Variants in TLK2 observed in about 807,000 individuals in gnomAD.
TLK2 encodes the protein tousled like kinase 2, also known as serine/threonine-protein kinase tousled-like 2.
A neutral mutation model predicts 117.3 loss-of-function variants in TLK2; 6 were observed. That is an observed-to-expected ratio of 0.05 (90% CI 0.03 to 0.10). The LOEUF is 0.10. Among genes scored for constraint, TLK2 ranks in the 10% least tolerant of loss-of-function variants. The probability of loss-of-function intolerance (pLI) is 1.00; values close to 1 mark genes in which losing one functional copy is unlikely to be tolerated. For missense variants in TLK2, 299 were observed against 901.2 expected (o/e 0.33, Z 8.56); for synonymous variants, 257 against 316.7 (o/e 0.81, Z 2.00).
At chr17:62,555,483 A>ATT (rs35222378) in intron 9 of TLK2, among the ~76,000 whole-genome samples, 6 of 140,610 alleles carry the variant, frequency 4.3e-5, no homozygotes, top group Non-Finnish European at 4.7e-5. Flanking sequence ...ATTATTATTA[A>ATT]TTTTTTTTTT....
intron 21 of TLK2, among the ~76,000 whole-genome samples, chr17:62,608,705 A>T (rs4968659): frequency 1 from 152,286 of 152,304 alleles, 76,134 homozygotes; most frequent in Middle Eastern, 1. Flanking sequence ...TCCCACCAGG[A>T]CCCTACCATG....
chr17:62,500,864 A>G (rs979774337), intron 2 of TLK2, among the ~76,000 whole-genome samples: 3 of 152,374 alleles, frequency 2.0e-5, no homozygotes, highest in Admixed American at 6.5e-5. Context: ...TTTAGGTCAA[A>G]GAATTCACAA....
At chr17:62,589,683 T>C (rs1005645874) in intron 16 of TLK2, among the ~76,000 whole-genome samples, 2 of 152,226 alleles carry the variant, frequency 1.3e-5, no homozygotes, top group African/African-American at 2.4e-5. Context: ...TGGTTTCTGC[T>C]GTAAAATGCA....
At chr17:62,587,689 G>C (rs1237432074) in intron 16 of TLK2, among the ~76,000 whole-genome samples, 1 of 152,154 alleles carries the variant, frequency 6.6e-6, no homozygotes, top group Non-Finnish European at 1.5e-5. Context: ...TGTTTCTTAG[G>C]TGACAGGCAG....
At chr17:62,498,286 A>C (rs535365242) in intron 2 of TLK2, among the ~76,000 whole-genome samples, 1 of 152,308 alleles carries the variant, frequency 6.6e-6, no homozygotes, top group Non-Finnish European at 1.5e-5. Context: ...TATAATTCCT[A>C]GTTTTTAGGT....
At chr17:62,546,460 G>A (rs1301809652) in intron 7 of TLK2, among the ~76,000 whole-genome samples, 1 of 144,910 alleles carries the variant, frequency 6.9e-6, no homozygotes, top group African/African-American at 2.5e-5. Flanking sequence ...CCATTAGATA[G>A]TTTCAGGGTC....
In TLK2 at chr17:62,524,294, G is replaced by A. The variant is rs1555617262; in HGVS notation, c.326G>A (p.Arg109Gln). 2 of 1,613,706 alleles carry A rather than the reference G, an allele frequency of 1.2e-6. No individual in the cohort carries two copies. Among genetic ancestry groups the A allele is most frequent in the Non-Finnish European group, 1.7e-6 (2 of 1,179,806 alleles). The change falls in exon 6 of 22, where the codon CGA becomes CAA. Residue 109 changes from arginine to glutamine, a missense_variant. Physicochemically the swap from Arg to Gln is conservative, Grantham distance 43. This residue lies in a region of TLK2 where 105 missense variants were observed against 218.4 expected (regional missense o/e 0.48). Coordinates refer to ENST00000346027, the MANE Select transcript of TLK2 (RefSeq NM_006852.6). ...SPGRSVPPVA[R>Q]SSPQHSLSNP... is the part of the protein sequence containing the mutation. ...GGCAGAAGTGTTCCACCAGTTGCACGATCCTCACCGCAACATTCCTTATCC... is the reference window on the plus strand; with the variant it reads ...GGCAGAAGTGTTCCACCAGTTGCACAATCCTCACCGCAACATTCCTTATCC...
chr17:62,573,083 CA>C (rs2080441944), intron 11 of TLK2, 131 bp from the exon 12 acceptor site: 1 of 1,001,342 alleles, frequency 1.0e-6, no homozygotes, highest in African/African-American at 1.6e-5. Flanking sequence ...AAGTTAAAAT[CA>C]AATCTCTACT....
intron 2 of TLK2, among the ~76,000 whole-genome samples, chr17:62,518,783 A>G (rs1174718749): frequency 1.2e-4 from 19 of 152,138 alleles, no homozygotes; most frequent in Non-Finnish European, 2.5e-4. Context: ...CTAAATAAAA[A>G]CCATGAAAAT....
chr17:62,481,330 T>A, intron 2 of TLK2, 124 bp downstream of exon 2: 1 of 1,008,684 alleles, frequency 9.9e-7, no homozygotes, highest in Non-Finnish European at 1.5e-6. Context: ...GGGTCTTAAT[T>A]TCAGTGAACT....
intron 2 of TLK2, among the ~76,000 whole-genome samples, chr17:62,512,897 A>ATT (rs1567824288): frequency 7.9e-4 from 51 of 64,314 alleles, no homozygotes; most frequent in African/African-American, 1.9e-3. Context: ...TTATTATTAG[A>ATT]GACGAAGTTT....
intron 2 of TLK2, among the ~76,000 whole-genome samples, chr17:62,488,679 C>T (rs1394128555): frequency 6.6e-6 from 1 of 152,126 alleles, no homozygotes; most frequent in Non-Finnish European, 1.5e-5. Flanking sequence ...TTATTCATAA[C>T]TTGAAATTCT....
chr17:62,565,421 G>A (rs527498768), intron 11 of TLK2, among the ~76,000 whole-genome samples: 6 of 152,176 alleles, frequency 3.9e-5, no homozygotes, highest in Non-Finnish European at 5.9e-5. Flanking sequence ...TTGGGAGGCC[G>A]AGGCGGGTGG....
chr17:62,602,963 G>A (rs180712882), intron 19 of TLK2, among the ~76,000 whole-genome samples: 4 of 152,150 alleles, frequency 2.6e-5, no homozygotes, highest in Non-Finnish European at 4.4e-5. Flanking sequence ...ATAAAGAATG[G>A]CCCCCAGTTT....
At chr17:62,543,192 A>G (rs2077660533) in intron 7 of TLK2, among the ~76,000 whole-genome samples, 1 of 152,190 alleles carries the variant, frequency 6.6e-6, no homozygotes, top group South Asian at 2.1e-4. Flanking sequence ...TCATGGGTGT[A>G]CATCAGTAAA....
chr17:62,609,221 T>A (rs2083544896), intron 21 of TLK2, among the ~76,000 whole-genome samples: 1 of 152,192 alleles, frequency 6.6e-6, no homozygotes. Flanking sequence ...AAGCTGGGAC[T>A]ACAGGTGTGC....
At chr17:62,606,274 T>A in intron 20 of TLK2, 33 bp downstream of exon 20, 1 of 1,416,592 alleles carries the variant, frequency 7.1e-7, no homozygotes, top group South Asian at 1.3e-5. Context: ...AAGCTTGATC[T>A]CTTTCTTGGG....
intron 2 of TLK2, among the ~76,000 whole-genome samples, chr17:62,499,838 G>A (rs573406833): frequency 4.0e-4 from 60 of 150,384 alleles, no homozygotes; most frequent in Non-Finnish European, 8.0e-4. Context: ...GCGACAGAAC[G>A]AGACTCAGTC....
intron 19 of TLK2, 118 bp downstream of exon 19, chr17:62,602,298 A>T: frequency 9.9e-7 from 1 of 1,011,662 alleles, no homozygotes; most frequent in Non-Finnish European, 1.4e-6. Context: ...CATAAACCAA[A>T]GCAGACTTTC....
Sources: gnomAD v4.1 joint callset for allele counts (sites outside exome capture counted in the v4.1 genomes callset) on GRCh38, gnomAD v4.1.1 for gene constraint, gnomAD v4.1.1 regional missense constraint, MANE v1.5 for transcripts, NCBI Gene and HGNC (gene_info 2026-07-23, HGNC 2026-07-21) for gene names.